Variants in MTRR observed in about 807,000 individuals in gnomAD.
The protein encoded by MTRR is methionine synthase reductase.
Under a neutral mutation model 79.2 loss-of-function variants are expected in MTRR, and 63 were observed. The ratio of observed to expected loss-of-function variants is 0.80; its 90% CI spans 0.65 to 0.98. MTRR has a LOEUF of 0.98. Ranked by LOEUF, MTRR falls within the 50% of genes least tolerant of loss-of-function variation. MTRR has a pLI of 0.00. For missense variants in MTRR, 895 were observed against 839.6 expected (o/e 1.07, Z -0.82); for synonymous variants, 355 against 313.3 (o/e 1.13, Z -1.41).
intron 5 of MTRR, 105 bp downstream of exon 5, chr5:7,878,427 T>C: frequency 6.9e-7 from 1 of 1,442,648 alleles, no homozygotes; most frequent in Admixed American, 1.7e-5. Flanking sequence ...AAACTATGGC[T>C]TACTGGCCCA....
intron 9 of MTRR, chr5:7,890,285 C>G (rs1737326639): frequency 6.1e-6 from 6 of 985,178 alleles, no homozygotes; most frequent in Middle Eastern, 5.2e-4. Context: ...AGGACCTCCC[C>G]AAAATGCTAA....
chr5:7,852,898 T>G (rs1746117638), intron 1 of MTRR, among the ~76,000 whole-genome samples: 1 of 152,172 alleles, frequency 6.6e-6, no homozygotes, highest in Admixed American at 6.5e-5. Flanking sequence ...TTGAAACCAA[T>G]TATCTTGGGA....
chr5:7,868,758 G>C (rs1747268485), upstream of MTRR, among the ~76,000 whole-genome samples: 1 of 152,186 alleles, frequency 6.6e-6, no homozygotes, highest in African/African-American at 2.4e-5. Flanking sequence ...AGACGGTGCG[G>C]GGGGATTTGG....
In MTRR at chr5:7,896,863, G is replaced by C; in HGVS notation, c.1677-1G>C. On this transcript the variant is annotated splice_acceptor_variant, in intron 12 of 14. Transcript: ENST00000440940. LOFTEE classifies it high-confidence loss of function. Reference sequence around the variant, plus strand: ...CCTAAACTTTTTTTTTTTCCACTTAGAGAGAAACTCCAAGAACAACACCCA... The same window carrying C: ...CCTAAACTTTTTTTTTTTCCACTTACAGAGAAACTCCAAGAACAACACCCA... 1 of 1,612,692 alleles carries C rather than the reference G, an allele frequency of 6.2e-7. No homozygotes were observed. The highest frequency in any genetic ancestry group is 8.5e-7 in the Non-Finnish European group (1 of 1,179,348).
At chr5:7,878,397 A>G in intron 5 of MTRR, 75 bp downstream of exon 5, 2 of 1,572,142 alleles carry the variant, frequency 1.3e-6, no homozygotes, top group Non-Finnish European at 8.7e-7. Context: ...AATTATTATT[A>G]CATTAGAAGA....
intron 7 of MTRR, 78 bp from the exon 8 acceptor site, chr5:7,886,537 G>T: frequency 9.2e-7 from 1 of 1,091,042 alleles, no homozygotes; most frequent in Non-Finnish European, 1.4e-6. Flanking sequence ...TACAGTAATT[G>T]TGTTTTGGGG....
intron 3 of MTRR, 141 bp downstream of exon 3, chr5:7,873,667 T>C (rs1748397802): frequency 1.0e-6 from 1 of 986,934 alleles, no homozygotes; most frequent in Non-Finnish European, 1.5e-6. Flanking sequence ...TATATAAATG[T>C]ATGTAATGTG....
At chr5:7,896,757 G>A in intron 12 of MTRR, 107 bp from the exon 13 acceptor site, 1 of 890,078 alleles carries the variant, frequency 1.1e-6, no homozygotes, top group African/African-American at 1.7e-5. Context: ...ATGCAGAGAT[G>A]GATTTTACAA....
chr5:7,893,037 T>C, intron 11 of MTRR, 124 bp downstream of exon 11: 1 of 1,165,526 alleles, frequency 8.6e-7, no homozygotes. Context: ...TGTTCTTGAA[T>C]TTTAAAATCT....
upstream of MTRR, chr5:7,868,994 A>T (rs1336307443): frequency 2.1e-6 from 2 of 969,228 alleles, no homozygotes; most frequent in Non-Finnish European, 3.3e-6. Flanking sequence ...TCTGCCGGGC[A>T]ATCACTCCGG....
chr5:7,883,497 ACATATGCTGAGTTGTGTGGTGCTT>A (rs1735920701), intron 6 of MTRR, among the ~76,000 whole-genome samples: 1 of 137,342 alleles, frequency 7.3e-6, no homozygotes, highest in Admixed American at 7.8e-5. Context: ...GTGCTTGGTT[ACATATGCTGAGTTGTGTGGTGCTT>A]GGTTACATAT....
chr5:7,889,583 T>C (rs982036268), intron 9 of MTRR, among the ~76,000 whole-genome samples: 1 of 152,202 alleles, frequency 6.6e-6, no homozygotes, highest in East Asian at 1.9e-4. Flanking sequence ...TTACTCTCTT[T>C]TTGGCTCAGA....
In MTRR at chr5:7,886,411, T is replaced by C. The variant is rs146422600; in HGVS notation, c.1058-204T>C. Among the ~76,000 whole-genome samples the C allele has an allele frequency of 0.016, 2,511 of 152,284 alleles. 33 individuals are homozygous for C. Among genetic ancestry groups the C allele is most frequent in the Non-Finnish European group, 0.025 (1,718 of 68,022 alleles). On this transcript the variant is annotated intron_variant, in intron 7 of 14. Transcript: ENST00000440940. ...TTTTATTTGGCCTATCTTGAATTTATAGTCTTCTTATGTTTTTGTAAGGTG... is the reference window on the plus strand; with the variant it reads ...TTTTATTTGGCCTATCTTGAATTTACAGTCTTCTTATGTTTTTGTAAGGTG...
In MTRR at chr5:7,900,119, T is replaced by C; in HGVS notation, c.*61T>C. The C allele has an allele frequency of 1.3e-6, 2 of 1,585,196 alleles. No homozygotes were observed. The highest frequency in any genetic ancestry group is 1.7e-6 in the Non-Finnish European group (2 of 1,164,336). On this transcript the variant is annotated 3_prime_UTR_variant, in exon 15 of 15. Coordinates refer to ENST00000440940, the MANE Select transcript of MTRR (RefSeq NM_002454.3). ...GACTGAAAGTACTAAAAGTCAGCTT[T>C]ACTAGTGCCAAACCTTTAAATTTTC...
chr5:7,895,692 A>G (rs1202156369), intron 11 of MTRR, 42 bp from the exon 12 acceptor site: 2 of 1,611,178 alleles, frequency 1.2e-6, no homozygotes, highest in Non-Finnish European at 1.7e-6. Context: ...ACTCTTGCCT[A>G]GGTTTTCTTT....
chr5:7,858,928 A>T (rs1163408610), intron 1 of MTRR, among the ~76,000 whole-genome samples: 3 of 152,142 alleles, frequency 2.0e-5, no homozygotes, highest in East Asian at 1.9e-4. Flanking sequence ...AATATTTATT[A>T]AAAAAAAGTT....
chr5:7,869,126 TA>T (rs778715574), upstream of MTRR: 1 of 1,613,386 alleles, frequency 6.2e-7, no homozygotes, highest in African/African-American at 1.3e-5. Flanking sequence ...TGGTCCTGGG[TA>T]CCGAGCATGG....
chr5:7,880,212 C>T lies in MTRR; in HGVS notation c.780+1890C>T, dbSNP rs1172021837. 4.6e-5 allele frequency among the ~76,000 whole-genome samples: 7 copies of T among 152,316 alleles called. 1 individual carries two copies. In the South Asian group the frequency reaches 6.2e-4, roughly 14 times the overall value. On this transcript the variant is annotated intron_variant, in intron 5 of 14. Coordinates refer to ENST00000440940, the MANE Select transcript of MTRR (RefSeq NM_002454.3). Reference sequence around the variant, plus strand: ...TCATTCAGTCTGATAGCACGATGCCCCTGATAGAGTAGGCTAGTGTGGTGC... The same window carrying T: ...TCATTCAGTCTGATAGCACGATGCCTCTGATAGAGTAGGCTAGTGTGGTGC...
In MTRR at chr5:7,873,503, C is replaced by A. The variant is rs1748364850; in HGVS notation, c.260C>A (p.Ala87Asp). Residue 87 changes from alanine (A) to aspartate (D), a missense_variant, in exon 3 of 15, where the codon GCT becomes GAT. By Grantham distance (126) the Ala-to-Asp change is moderately radical. Coordinates refer to ENST00000440940, the MANE Select transcript of MTRR (RefSeq NM_002454.3). The part of the protein sequence containing the change: ...QNQTLPVDFF[A>D]HLRYGLLGLG... ...CAAACACTGCCGGTTGATTTCTTTG[C>A]TCACCTGCGGTATGGGTTACTGGGT... 1 of 1,614,168 alleles carries A rather than the reference C, an allele frequency of 6.2e-7. No homozygotes were observed. The highest frequency in any genetic ancestry group is 8.5e-7 in the Non-Finnish European group (1 of 1,180,032).
Sources: allele counts gnomAD v4.1 joint callset (sites outside exome capture counted in the v4.1 genomes callset), GRCh38; gene constraint gnomAD v4.1.1; transcripts MANE v1.5; gene names NCBI Gene and HGNC (gene_info 2026-07-23, HGNC 2026-07-21).